The following PCSK2 variants were observed in gnomAD, a reference collection of about 807,000 sequenced individuals.
The protein encoded by PCSK2 is neuroendocrine convertase 2.
In PCSK2, 14 loss-of-function variants were observed where a neutral mutation model predicts 69.7. That is an observed-to-expected ratio of 0.20 (90% CI 0.13 to 0.31). The LOEUF (loss-of-function observed/expected upper bound fraction) is 0.31, where lower values mean the gene tolerates loss of function less well. PCSK2 is among the 10% of genes least tolerant of loss of function. The pLI is 1.00. For missense variants in PCSK2, 544 were observed against 842.5 expected, an observed-to-expected ratio of 0.65 and a Z score of 4.39; for synonymous variants, 307 against 320.7, an observed-to-expected ratio of 0.96 and a Z score of 0.46.
chr20:17,287,431 CTGTGTGTGTG>C (rs67695913), intron 2 of PCSK2, among the ~76,000 whole-genome samples: 25 of 145,928 alleles, frequency 1.7e-4, no homozygotes, highest in Non-Finnish European at 2.5e-4. Flanking sequence ...ATGTGCGTGT[CTGTGTGTGTG>C]TGTGTGTGTG....
intron 1 of PCSK2, among the ~76,000 whole-genome samples, chr20:17,230,515 C>T (rs551628149): frequency 1.7e-4 from 26 of 152,334 alleles, no homozygotes; most frequent in Admixed American, 1.4e-3. Context: ...ATCATGCTGC[C>T]TCCAGGAAGC....
intron 1 of PCSK2, among the ~76,000 whole-genome samples, chr20:17,258,481 A>C (rs1987261606): frequency 6.6e-6 from 1 of 151,898 alleles, no homozygotes; most frequent in Non-Finnish European, 1.5e-5. Flanking sequence ...TTTGAATGTA[A>C]AAAAAAATGG....
intron 2 of PCSK2, among the ~76,000 whole-genome samples, chr20:17,313,998 G>C (rs988492672): frequency 2.0e-5 from 3 of 152,072 alleles, no homozygotes; most frequent in African/African-American, 7.2e-5. Flanking sequence ...TTCTTCCAAA[G>C]ACTAAGTGCT....
intron 5 of PCSK2, among the ~76,000 whole-genome samples, chr20:17,392,903 T>C (rs1375344302): frequency 1.3e-5 from 2 of 152,202 alleles, no homozygotes; most frequent in Admixed American, 1.3e-4. Context: ...GATTTTTGTA[T>C]AGAATTTAGA....
chr20:17,398,726 A>T lies in PCSK2; in HGVS notation c.544-10537A>T, dbSNP rs73257685. Among the ~76,000 whole-genome samples the T allele has an allele frequency of 2.1e-3, 314 of 151,996 alleles. 1 individual carries two copies. The highest frequency in any genetic ancestry group is 7.3e-3 in the African/African-American group (301 of 41,484). On this transcript the variant is annotated intron_variant, in intron 5 of 11. Transcript: ENST00000262545. ...ACCTGGACTATACATCAGAACCACCAAAAGAGGTTCTGTTGGGTTTGTTGG... is the reference window on the plus strand; with the variant it reads ...ACCTGGACTATACATCAGAACCACCTAAAGAGGTTCTGTTGGGTTTGTTGG...
intron 2 of PCSK2, among the ~76,000 whole-genome samples, chr20:17,317,459 T>C (rs773306857): frequency 1.8e-4 from 27 of 152,342 alleles, no homozygotes; most frequent in Non-Finnish European, 3.8e-4. Context: ...TCCTGCCATT[T>C]CCCACTGTGC....
intron 2 of PCSK2, among the ~76,000 whole-genome samples, chr20:17,277,460 C>A (rs1383390900): frequency 4.6e-5 from 7 of 152,128 alleles, no homozygotes; most frequent in South Asian, 2.1e-4. Flanking sequence ...CAAAAACAAG[C>A]AATGGGGAAA....
At chr20:17,372,562 G>A (rs896250943) in intron 5 of PCSK2, among the ~76,000 whole-genome samples, 35 of 152,128 alleles carry the variant, frequency 2.3e-4, no homozygotes, top group African/African-American at 8.2e-4. Flanking sequence ...TAAACTAGAT[G>A]AGACCTAAGA....
chr20:17,426,174 G>A (rs1019733687), intron 6 of PCSK2, among the ~76,000 whole-genome samples: 1 of 152,034 alleles, frequency 6.6e-6, no homozygotes, highest in Non-Finnish European at 1.5e-5. Flanking sequence ...TGAATCATGG[G>A]GTCAGTTTCC....
rs529756941 is a variant in PCSK2 at position 17,482,165 on chromosome 20, C to T, written c.*95C>T. On this transcript the variant is annotated 3_prime_UTR_variant, in exon 12 of 12. Transcript: ENST00000262545. ...GCAGGCACCTAGCAATTCCATCACC[C>T]GTACAGGCAATTCCGTCTTCTTAAT... The T allele has an allele frequency of 3.5e-6, 4 of 1,139,756 alleles. No homozygotes were observed. The South Asian group carries it at 4.9e-5, about 14-fold the overall frequency. 70.6% of individuals were successfully genotyped at this position (1,139,756 alleles called of 1,614,324 possible).
intron 6 of PCSK2, among the ~76,000 whole-genome samples, chr20:17,416,647 T>C (rs2123316251): frequency 6.6e-6 from 1 of 152,294 alleles, no homozygotes; most frequent in African/African-American, 2.4e-5. Context: ...AGAAATATCA[T>C]TTGACCCAGC....
intron 6 of PCSK2, among the ~76,000 whole-genome samples, chr20:17,419,649 T>G (rs1474939345): frequency 2.6e-5 from 4 of 152,172 alleles, no homozygotes; most frequent in Non-Finnish European, 4.4e-5. Context: ...AGATGTTGAG[T>G]GGCCTTGACA....
intron 5 of PCSK2, among the ~76,000 whole-genome samples, chr20:17,370,957 G>A (rs1035601680): frequency 3.3e-5 from 5 of 152,094 alleles, no homozygotes; most frequent in African/African-American, 9.7e-5. Context: ...TCCCTCCGAG[G>A]GCTGTCCCCA....
intron 1 of PCSK2, among the ~76,000 whole-genome samples, chr20:17,240,349 C>T (rs866816729): frequency 2.2e-4 from 33 of 152,058 alleles, no homozygotes; most frequent in African/African-American, 7.2e-4. Flanking sequence ...TGTGTTGTCC[C>T]ATCAAAGGGT....
At chr20:17,405,851 C>T (rs1039421655) in intron 5 of PCSK2, among the ~76,000 whole-genome samples, 13 of 152,138 alleles carry the variant, frequency 8.5e-5, no homozygotes, top group African/African-American at 3.1e-4. Flanking sequence ...AGAAATAACT[C>T]CCAGAGAAGC....
At chr20:17,356,852 A>G (rs1449201254) in intron 2 of PCSK2, among the ~76,000 whole-genome samples, 2 of 152,068 alleles carry the variant, frequency 1.3e-5, no homozygotes, top group East Asian at 1.9e-4. Context: ...CCTTCCCAAG[A>G]TTCAAATCCT....
At chr20:17,361,561 C>T (rs1238871449) in intron 4 of PCSK2, among the ~76,000 whole-genome samples, 1 of 152,196 alleles carries the variant, frequency 6.6e-6, no homozygotes, top group Non-Finnish European at 1.5e-5. Context: ...ACAAAGGCTA[C>T]ACAGAGATGA....
At chr20:17,367,806 C>T (rs1020194468) in intron 4 of PCSK2, among the ~76,000 whole-genome samples, 7 of 152,156 alleles carry the variant, frequency 4.6e-5, no homozygotes, top group African/African-American at 1.2e-4. Flanking sequence ...CCAAAATTGA[C>T]GGTCTTTGAA....
At chr20:17,457,068 CA>C (rs1185189944) in intron 10 of PCSK2, among the ~76,000 whole-genome samples, 2 of 152,206 alleles carry the variant, frequency 1.3e-5, no homozygotes, top group African/African-American at 2.4e-5. Context: ...CTGCTGGACA[CA>C]CCTTGGATTT....
Sources: allele counts gnomAD v4.1 joint callset (sites outside exome capture counted in the v4.1 genomes callset), GRCh38; gene constraint gnomAD v4.1.1; transcripts MANE v1.5; gene names NCBI Gene and HGNC (gene_info 2026-07-23, HGNC 2026-07-21).